CHD6: variants seen among roughly 807,000 people sequenced by gnomAD.
CHD6 encodes chromodomain helicase DNA binding protein 6, also known as ATP-dependent chromatin remodeler CHD6.
A neutral mutation model predicts 276.9 loss-of-function variants in CHD6; 50 were observed. The ratio of observed to expected loss-of-function variants is 0.18; its 90% CI spans 0.14 to 0.23. CHD6 has a LOEUF of 0.23. Ranked by LOEUF, CHD6 falls within the 10% of genes least tolerant of loss-of-function variation. The probability of loss-of-function intolerance (pLI) is 1.00; values close to 1 mark genes in which losing one functional copy is unlikely to be tolerated. For synonymous variants in CHD6, 1,173 were observed against 1,229.3 expected (o/e 0.95, Z 0.96); for missense variants, 2,564 against 3,365.8 (o/e 0.76, Z 5.89).
chr20:41,523,623 C>A (rs2044457041), intron 3 of CHD6, among the ~76,000 whole-genome samples: 1 of 151,448 alleles, frequency 6.6e-6, no homozygotes, highest in South Asian at 2.1e-4. Context: ...GTAGTTTGTC[C>A]TAGAAAAAAC....
intron 26 of CHD6, among the ~76,000 whole-genome samples, chr20:41,437,997 A>G (rs1200480184): frequency 6.6e-6 from 1 of 152,220 alleles, no homozygotes; most frequent in Non-Finnish European, 1.5e-5. Flanking sequence ...CTGCCCATCA[A>G]GAGTCATCTG....
chr20:41,450,410 A>C (rs1437622818), intron 23 of CHD6, among the ~76,000 whole-genome samples: 1 of 152,052 alleles, frequency 6.6e-6, no homozygotes, highest in African/African-American at 2.4e-5. Context: ...GAATGCCCCA[A>C]GTCCCCAAGA....
intron 17 of CHD6, among the ~76,000 whole-genome samples, chr20:41,462,633 G>A (rs1208009340): frequency 6.6e-6 from 1 of 152,182 alleles, no homozygotes; most frequent in African/African-American, 2.4e-5. Flanking sequence ...TGTGGTGCTA[G>A]AATGAATTGG....
At position 41,437,274 on chromosome 20, in the gene CHD6, C is replaced by G; in HGVS notation, c.4068G>C (p.Thr1356=). ...GACCAATACTGCACATTTGACTCAC[C>G]GTTTGTTTCTGGAGGCCATCTACTT... is the stretch of plus-strand genomic sequence containing the variant. ...EDKVDGLQKQ[T]ESSSDGGDGV... The change falls in exon 27 of 37, where the codon ACG becomes ACC. Residue 1356 remains threonine (T), a splice_region_variant and synonymous_variant. Transcript: ENST00000373233. The G allele has an allele frequency of 6.2e-7, 1 of 1,610,610 alleles. No homozygotes were observed. The highest frequency in any genetic ancestry group is 1.7e-5 in the Admixed American group (1 of 59,976).
At chr20:41,468,008 A>G (rs1218848610) in intron 17 of CHD6, among the ~76,000 whole-genome samples, 4 of 151,802 alleles carry the variant, frequency 2.6e-5, no homozygotes, top group Admixed American at 2.6e-4. Context: ...CTTATCTCAT[A>G]ATTTTAGATC....
chr20:41,516,168 ATTT>A (rs75917656), intron 3 of CHD6, among the ~76,000 whole-genome samples: 4,125 of 148,346 alleles, frequency 0.028, 183 homozygotes, highest in African/African-American at 0.095. Context: ...GCAGATGGTA[ATTT>A]TTTTTTTTTT....
chr20:41,537,497 T>C (rs1316951908), intron 2 of CHD6, among the ~76,000 whole-genome samples: 1 of 152,176 alleles, frequency 6.6e-6, no homozygotes. Flanking sequence ...CAGATTTTGG[T>C]ATTCATGTAA....
intron 5 of CHD6, among the ~76,000 whole-genome samples, chr20:41,512,575 T>C (rs1053362633): frequency 6.6e-6 from 1 of 151,938 alleles, no homozygotes; most frequent in Non-Finnish European, 1.5e-5. Flanking sequence ...GCCAGTCTTT[T>C]GGCTGGAGAG....
intron 1 of CHD6, among the ~76,000 whole-genome samples, chr20:41,617,211 T>C (rs1324359033): frequency 6.6e-6 from 1 of 152,142 alleles, no homozygotes; most frequent in Non-Finnish European, 1.5e-5. Context: ...TGCTCAGAGA[T>C]GCCAAGGATT....
chr20:41,562,650 T>C (rs996389753), intron 1 of CHD6, among the ~76,000 whole-genome samples: 5 of 152,206 alleles, frequency 3.3e-5, no homozygotes, highest in Non-Finnish European at 7.4e-5. Flanking sequence ...TGATGTTCTC[T>C]ACTACAGGCT....
At chr20:41,608,987 T>C (rs1365968937) in intron 1 of CHD6, among the ~76,000 whole-genome samples, 1 of 152,180 alleles carries the variant, frequency 6.6e-6, no homozygotes, top group African/African-American at 2.4e-5. Flanking sequence ...ATCACAATAT[T>C]TTAGTAACAT....
intron 10 of CHD6, 54 bp downstream of exon 10, chr20:41,493,484 G>A (rs1022809307): frequency 6.4e-7 from 1 of 1,572,440 alleles, no homozygotes; most frequent in Admixed American, 1.7e-5. Flanking sequence ...TGATTGCAAA[G>A]TTCATAAAAT....
At chr20:41,437,156 C>T in intron 27 of CHD6, 118 bp downstream of exon 27, 1 of 707,140 alleles carries the variant, frequency 1.4e-6, no homozygotes, top group Non-Finnish European at 2.4e-6. Context: ...AAATGTTGGG[C>T]AAAATGCAAT....
At chr20:41,594,355 T>G (rs1211229005) in intron 1 of CHD6, among the ~76,000 whole-genome samples, 1 of 152,216 alleles carries the variant, frequency 6.6e-6, no homozygotes, top group Non-Finnish European at 1.5e-5. Context: ...AGTGATGTTT[T>G]TGGCATTCTT....
chr20:41,479,363 C>T (rs1389956052), intron 16 of CHD6, among the ~76,000 whole-genome samples: 1 of 152,086 alleles, frequency 6.6e-6, no homozygotes, highest in Non-Finnish European at 1.5e-5. Context: ...CCAATGATCA[C>T]AGTTAAACTG....
intron 1 of CHD6, among the ~76,000 whole-genome samples, chr20:41,582,149 AC>A (rs1049912475): frequency 2.6e-5 from 4 of 152,182 alleles, no homozygotes; most frequent in Non-Finnish European, 4.4e-5. Context: ...TAAAAAAAAA[AC>A]CTACACCTAA....
chr20:41,426,189 G>A, intron 27 of CHD6, 36 bp from the exon 28 acceptor site: 1 of 1,472,908 alleles, frequency 6.8e-7, no homozygotes, highest in Non-Finnish European at 9.5e-7. Flanking sequence ...CAGCAAAACT[G>A]CAGCTTAGAA....
intron 36 of CHD6, among the ~76,000 whole-genome samples, chr20:41,407,191 A>C (rs2046703645): frequency 6.6e-6 from 1 of 152,098 alleles, no homozygotes; most frequent in African/African-American, 2.4e-5. Context: ...CCTTTTCAGG[A>C]TTCTCCTTTG....
chr20:41,510,297 T>G (rs192499742), intron 5 of CHD6, among the ~76,000 whole-genome samples: 2 of 152,324 alleles, frequency 1.3e-5, no homozygotes, highest in African/African-American at 4.8e-5. Flanking sequence ...AAGCCCAGTA[T>G]GTAAAAACAG....
Sources: allele counts gnomAD v4.1 joint callset (sites outside exome capture counted in the v4.1 genomes callset), GRCh38; gene constraint gnomAD v4.1.1; transcripts MANE v1.5; gene names NCBI Gene and HGNC (gene_info 2026-07-23, HGNC 2026-07-21).